The following CNBD2 variants were observed in gnomAD, a reference collection of about 807,000 sequenced individuals.
The protein encoded by CNBD2 is cyclic nucleotide-binding domain-containing protein 2.
CNBD2 carries 64 observed loss-of-function variants against 63.7 expected under a neutral mutation model. The observed-to-expected ratio is 1.00, with a 90% CI of 0.82 to 1.24. The LOEUF (loss-of-function observed/expected upper bound fraction) is 1.24. Ranked by LOEUF, CNBD2 falls within the 50% of genes most tolerant of loss-of-function variation. CNBD2 has a pLI of 0.00. For synonymous variants in CNBD2, 229 were observed against 255.4 expected, an observed-to-expected ratio of 0.90 and a Z score of 0.99; for missense variants, 691 against 713.5, an observed-to-expected ratio of 0.97 and a Z score of 0.36.
At chr20:36,014,182 C>CAAAAAAAAAAAAAAAAA (rs1398212585) in intron 10 of CNBD2, among the ~76,000 whole-genome samples, 5 of 94,838 alleles carry the variant, frequency 5.3e-5, no homozygotes, top group African/African-American at 1.5e-4. Context: ...GACTCCATCT[C>CAAAAAAAAAAAAAAAAA]AAAAAAAAAA....
At chr20:36,004,696 G>T (rs1438302306) in intron 8 of CNBD2, among the ~76,000 whole-genome samples, 1 of 151,878 alleles carries the variant, frequency 6.6e-6, no homozygotes, top group Non-Finnish European at 1.5e-5. Context: ...CTGAGTAGCT[G>T]GGACTATAGG....
At chr20:35,965,470 G>A (rs965949069), upstream of CNBD2, among the ~76,000 whole-genome samples, 5 of 152,084 alleles carry the variant, frequency 3.3e-5, no homozygotes, top group East Asian at 1.9e-4. Context: ...GAGCCACCGC[G>A]CTTGGCCGAA....
Position 35,980,641 on chromosome 20 carries a change from C to T in CNBD2, c.407+19C>T, listed in dbSNP as rs751606512. On this transcript the variant is annotated intron_variant, in intron 4 of 11. Coordinates refer to ENST00000373973, the MANE Select transcript of CNBD2 (RefSeq NM_001365709.1). ...TTGAACGGTCAGTGAGGGGCACAGC[C>T]CTTGGCCACCAGGCTGAGGCTGGAC... 4 of 1,611,376 alleles carry T rather than the reference C, an allele frequency of 2.5e-6. No homozygotes were observed. Among genetic ancestry groups the T allele is most frequent in the South Asian group, 2.2e-5 (2 of 90,896 alleles).
chr20:35,987,546 G>C lies in CNBD2; in HGVS notation c.855+13G>C. On this transcript the variant is annotated intron_variant, in intron 7 of 11. Transcript: ENST00000373973. ...GTTTATCAGCAAGGTGAAAAGTCTG[G>C]GGGTTGGGATGAGGGTGAACCTCTG... 1 of 1,613,940 alleles carries C rather than the reference G, an allele frequency of 6.2e-7. No individual in the cohort carries two copies. The highest frequency in any genetic ancestry group is 8.5e-7 in the Non-Finnish European group (1 of 1,179,942).
At chr20:35,972,828 C>T in intron 2 of CNBD2, 62 bp downstream of exon 2, 2 of 1,523,534 alleles carry the variant, frequency 1.3e-6, no homozygotes, top group South Asian at 1.1e-5. Flanking sequence ...TTGCATCCCA[C>T]TTCCTGGCCT....
At chr20:35,989,825 A>C (rs1326223619) in intron 7 of CNBD2, among the ~76,000 whole-genome samples, 1 of 150,114 alleles carries the variant, frequency 6.7e-6, no homozygotes, top group Non-Finnish European at 1.5e-5. Context: ...TGGGCAACAT[A>C]GCAAGACCCT....
At chr20:35,994,784 G>C (rs1240813825) in intron 7 of CNBD2, among the ~76,000 whole-genome samples, 1 of 151,934 alleles carries the variant, frequency 6.6e-6, no homozygotes, top group Admixed American at 6.6e-5. Context: ...AGCTACTCAG[G>C]AGGCTGAGGC....
At chr20:35,994,884 A>G (rs113287467) in intron 7 of CNBD2, among the ~76,000 whole-genome samples, 154 bp from the exon 8 acceptor site, 5,467 of 152,254 alleles carry the variant, frequency 0.036, 347 homozygotes, top group African/African-American at 0.13. Context: ...GTGAGACTCC[A>G]TCTCAAAAAA....
chr20:35,956,400 T>G (rs1046709590), downstream of CNBD2, among the ~76,000 whole-genome samples: 12 of 152,220 alleles, frequency 7.9e-5, no homozygotes, highest in Non-Finnish European at 1.8e-4. Context: ...CCCAAATTCC[T>G]GCTGGTCAAC....
chr20:36,000,709 C>G (rs760707699), intron 8 of CNBD2, among the ~76,000 whole-genome samples: 3 of 151,678 alleles, frequency 2.0e-5, no homozygotes, highest in Non-Finnish European at 4.4e-5. Flanking sequence ...TAGGCGTCCA[C>G]CACCACGCCT....
At chr20:35,986,535 T>A (rs1250431238) in intron 6 of CNBD2, among the ~76,000 whole-genome samples, 1 of 152,100 alleles carries the variant, frequency 6.6e-6, no homozygotes, top group Non-Finnish European at 1.5e-5. Flanking sequence ...CAGTGCTTGG[T>A]GCGTGGTAGG....
At chr20:36,013,122 A>G (rs2057084055) in intron 10 of CNBD2, among the ~76,000 whole-genome samples, 1 of 151,048 alleles carries the variant, frequency 6.6e-6, no homozygotes, top group Non-Finnish European at 1.5e-5. Flanking sequence ...AATTTGTTAA[A>G]AAAGAAAAAA....
At chr20:36,029,489 A>G (rs181592273) in intron 11 of CNBD2, among the ~76,000 whole-genome samples, 2 of 152,290 alleles carry the variant, frequency 1.3e-5, no homozygotes, top group Admixed American at 6.5e-5. Flanking sequence ...GCTGATTTCC[A>G]TAGTGTAAAT....
At chr20:35,971,518 T>G (rs1284791743) in intron 1 of CNBD2, among the ~76,000 whole-genome samples, 1 of 151,398 alleles carries the variant, frequency 6.6e-6, no homozygotes, top group Non-Finnish European at 1.5e-5. Flanking sequence ...CAGGTTCAAG[T>G]GATTCTCCTG....
At chr20:36,026,567 G>A (rs2057285361) in intron 11 of CNBD2, among the ~76,000 whole-genome samples, 1 of 152,004 alleles carries the variant, frequency 6.6e-6, no homozygotes, top group South Asian at 2.1e-4. Context: ...CCCCACTCAA[G>A]TCCCCTCCAG....
chr20:35,954,665 A>G, upstream of CNBD2: 1 of 1,246,518 alleles, frequency 8.0e-7, no homozygotes, highest in Non-Finnish European at 1.0e-6. Flanking sequence ...TCTGAGCGCC[A>G]GTTCGAGGAG....
At chr20:36,009,619 G>T (rs1422982435) in intron 9 of CNBD2, among the ~76,000 whole-genome samples, 2 of 152,094 alleles carry the variant, frequency 1.3e-5, no homozygotes, top group African/African-American at 2.4e-5. Flanking sequence ...ATTGCCTGAG[G>T]TCAGGAGTTC....
At chr20:35,957,502 G>A (rs1395679279), downstream of CNBD2, among the ~76,000 whole-genome samples, 1 of 152,072 alleles carries the variant, frequency 6.6e-6, no homozygotes, top group East Asian at 1.9e-4. Context: ...AAGATTGGCA[G>A]TATGTACACT....
At chr20:36,017,058 C>CA (rs35383989) in intron 10 of CNBD2, among the ~76,000 whole-genome samples, 3,683 of 105,318 alleles carry the variant, frequency 0.035, 73 homozygotes, top group Non-Finnish European at 0.053. Flanking sequence ...GAGCCTGTCT[C>CA]AAAAAAAAAA....
Sources: allele counts gnomAD v4.1 joint callset (sites outside exome capture counted in the v4.1 genomes callset), GRCh38; gene constraint gnomAD v4.1.1; transcripts MANE v1.5; gene names NCBI Gene and HGNC (gene_info 2026-07-23, HGNC 2026-07-21).